The following PHF21B variants were observed in gnomAD, a reference collection of about 807,000 sequenced individuals.
PHF21B encodes PHD finger protein 4.
A neutral mutation model predicts 62.2 loss-of-function variants in PHF21B; 22 were observed. The observed-to-expected ratio is 0.35, with a 90% CI of 0.25 to 0.51. The LOEUF (loss-of-function observed/expected upper bound fraction) is 0.51, where lower values mean the gene tolerates loss of function less well. PHF21B is among the 20% of genes least tolerant of loss of function. The pLI is 0.97. For synonymous variants in PHF21B, 341 were observed against 314.7 expected, an observed-to-expected ratio of 1.08 and a Z score of -0.88; for missense variants, 701 against 707.9, an observed-to-expected ratio of 0.99 and a Z score of 0.11.
chr22:44,919,950 A>G (rs1436929067), intron 3 of PHF21B, among the ~76,000 whole-genome samples: 1 of 152,230 alleles, frequency 6.6e-6, no homozygotes, highest in Non-Finnish European at 1.5e-5. Flanking sequence ...ACTAGAAGCC[A>G]GGGCACCTGG....
intron 2 of PHF21B, among the ~76,000 whole-genome samples, chr22:44,935,494 G>T (rs946987911): frequency 6.6e-6 from 1 of 152,098 alleles, no homozygotes; most frequent in Non-Finnish European, 1.5e-5. Flanking sequence ...GGCGCCTGTA[G>T]TCCCAGCTGC....
At chr22:44,912,411 G>A (rs1317341937) in intron 5 of PHF21B, among the ~76,000 whole-genome samples, 3 of 152,172 alleles carry the variant, frequency 2.0e-5, no homozygotes, top group Non-Finnish European at 2.9e-5. Flanking sequence ...CATGTTGTAG[G>A]AGGGACCTGG....
intron 2 of PHF21B, among the ~76,000 whole-genome samples, chr22:44,993,526 A>G (rs1261734121): frequency 1.3e-5 from 2 of 152,234 alleles, no homozygotes; most frequent in African/African-American, 4.8e-5. Context: ...CACAGCCAAG[A>G]ACAGCGAGTC....
intron 9 of PHF21B, among the ~76,000 whole-genome samples, chr22:44,888,812 AGAGGCGGTTGTCACACAGGGAGGGG>A (rs1250314726): frequency 2.0e-5 from 3 of 151,870 alleles, no homozygotes; most frequent in Non-Finnish European, 4.4e-5. Context: ...CCAGGGAGGG[AGAGGCGGTTGTCACACAGGGAGGGG>A]GAGGCAGTTA....
chr22:44,935,353 G>A lies in PHF21B; in HGVS notation c.121-14863C>T, dbSNP rs999539276. Among the ~76,000 whole-genome samples, 45 of 152,104 alleles carry A rather than the reference G, an allele frequency of 3.0e-4. 1 individual carries two copies. Among genetic ancestry groups the A allele is most frequent in the Admixed American group, 6.5e-5 (1 of 15,290 alleles). Reference sequence around the variant, plus strand: ...CACATGGCCGGGCGCGGTGGCTCACGCCTGTAATCCCAGCACTTTGCGAGG... The same window carrying A: ...CACATGGCCGGGCGCGGTGGCTCACACCTGTAATCCCAGCACTTTGCGAGG... On this transcript the variant is annotated intron_variant, in intron 2 of 12. Coordinates refer to ENST00000313237, the MANE Select transcript of PHF21B (RefSeq NM_138415.5).
chr22:44,952,470 C>G (rs543448412), intron 2 of PHF21B, among the ~76,000 whole-genome samples: 7 of 152,292 alleles, frequency 4.6e-5, no homozygotes, highest in African/African-American at 1.2e-4. Flanking sequence ...GGAAAAGGTT[C>G]CCGTCTATCC....
At chr22:45,007,713 AAGGGGCGGGTGTGCGAGTGC>A (rs2073349024) in intron 2 of PHF21B, among the ~76,000 whole-genome samples, 4 of 20,360 alleles carry the variant, frequency 2.0e-4, no homozygotes, top group African/African-American at 4.4e-4. Flanking sequence ...GAGCGCGGGG[AAGGGGCGGGTGTGCGAGTGC>A]GGGGAGGGGG....
chr22:44,961,592 G>C (rs913393632), intron 2 of PHF21B, among the ~76,000 whole-genome samples: 9 of 152,096 alleles, frequency 5.9e-5, no homozygotes, highest in African/African-American at 2.2e-4. Context: ...TATAATACGA[G>C]CACTTTGGGA....
intron 5 of PHF21B, among the ~76,000 whole-genome samples, chr22:44,912,878 C>CGAAAAAAA (rs772630054): frequency 2.2e-5 from 1 of 45,608 alleles, no homozygotes; most frequent in Admixed American, 3.1e-4. Flanking sequence ...GACTCTATCT[C>CGAAAAAAA]AAAAAAAAAA....
intron 12 of PHF21B, among the ~76,000 whole-genome samples, chr22:44,883,681 T>C (rs1319917747): frequency 2.0e-5 from 3 of 152,132 alleles, no homozygotes; most frequent in Non-Finnish European, 4.4e-5. Flanking sequence ...TCGCCTGTTG[T>C]GCTGTGTGGT....
chr22:44,993,617 G>A (rs1241641043), intron 2 of PHF21B, among the ~76,000 whole-genome samples: 1 of 152,234 alleles, frequency 6.6e-6, no homozygotes, highest in Non-Finnish European at 1.5e-5. Context: ...CACAGGCTTG[G>A]AGACAGCGGC....
intron 5 of PHF21B, among the ~76,000 whole-genome samples, chr22:44,903,026 C>A (rs936072937): frequency 3.1e-4 from 47 of 152,156 alleles, no homozygotes; most frequent in African/African-American, 1.1e-3. Flanking sequence ...CTGCCTCTCC[C>A]CCATGGTCAA....
intron 2 of PHF21B, among the ~76,000 whole-genome samples, chr22:44,939,212 G>T (rs1426060662): frequency 1.3e-5 from 2 of 152,226 alleles, no homozygotes; most frequent in African/African-American, 4.8e-5. Flanking sequence ...ATGAGCCAGG[G>T]ACTGCGGGAA....
chr22:44,938,932 T>C (rs868307664), intron 2 of PHF21B, among the ~76,000 whole-genome samples: 5 of 152,330 alleles, frequency 3.3e-5, no homozygotes, highest in South Asian at 4.1e-4. Flanking sequence ...TGATAGCACC[T>C]GGACCTGCAG....
At chr22:44,941,990 G>A (rs2071967437) in intron 2 of PHF21B, among the ~76,000 whole-genome samples, 1 of 152,214 alleles carries the variant, frequency 6.6e-6, no homozygotes, top group South Asian at 2.1e-4. Flanking sequence ...AGATGACAAT[G>A]AGTAGGACCC....
chr22:44,990,507 G>A (rs74213352), intron 2 of PHF21B, among the ~76,000 whole-genome samples: 12,495 of 152,276 alleles, frequency 0.082, 570 homozygotes, highest in South Asian at 0.12. Flanking sequence ...TCTGACGCAC[G>A]CTACAACATG....
rs546165968 is a variant in PHF21B, at chr22:44,972,819, A to G, written c.120+35726T>C. 4.5e-4 allele frequency among the ~76,000 whole-genome samples: 69 copies of G among 152,230 alleles called. No individual in the cohort carries two copies. In the South Asian group the frequency reaches 0.014, roughly 31 times the overall value. Reference sequence around the variant, plus strand: ...AAAGGAGCTGTGTGTCCGTCCCCCTACAGACAGGGACTGTGTCTTTGCTGC... The same window carrying G: ...AAAGGAGCTGTGTGTCCGTCCCCCTGCAGACAGGGACTGTGTCTTTGCTGC... On this transcript the variant is annotated intron_variant, in intron 2 of 12. Transcript: ENST00000313237.
chr22:44,937,936 A>C lies in PHF21B; in HGVS notation c.121-17446T>G, dbSNP rs535022134. 1.1e-3 allele frequency among the ~76,000 whole-genome samples: 171 copies of C among 152,386 alleles called. 1 individual carries two copies. The highest frequency in any genetic ancestry group is 1.5e-3 in the Non-Finnish European group (104 of 68,032). ...TCTGCGGGACGCATCGCGCAGGTGCAGAATTTTCTGAGGTGATGCAAATGC... is the reference window on the plus strand; with the variant it reads ...TCTGCGGGACGCATCGCGCAGGTGCCGAATTTTCTGAGGTGATGCAAATGC... On this transcript the variant is annotated intron_variant, in intron 2 of 12. Coordinates refer to ENST00000313237, the MANE Select transcript of PHF21B (RefSeq NM_138415.5).
intron 2 of PHF21B, among the ~76,000 whole-genome samples, chr22:44,959,533 G>A (rs2072374907): frequency 6.6e-6 from 1 of 152,176 alleles, no homozygotes; most frequent in African/African-American, 2.4e-5. Context: ...ACACCTGGCT[G>A]CCCCGGCTCT....
Sources: allele counts gnomAD v4.1 joint callset (sites outside exome capture counted in the v4.1 genomes callset), GRCh38; gene constraint gnomAD v4.1.1; transcripts MANE v1.5; gene names NCBI Gene and HGNC (gene_info 2026-07-23, HGNC 2026-07-21).